Variants in BEND5 observed in about 807,000 individuals in gnomAD.
The protein encoded by BEND5 is BEN domain-containing protein 5.
In BEND5, 22 loss-of-function variants were observed where a neutral mutation model predicts 43.9. That is an observed-to-expected ratio of 0.50 (90% CI 0.36 to 0.72). The LOEUF is 0.72. BEND5 is among the 30% of genes least tolerant of loss of function. The pLI, the probability that BEND5 is intolerant of heterozygous loss-of-function variation, is 0.00. For synonymous variants in BEND5, 228 were observed against 225.9 expected (o/e 1.01, Z -0.08); for missense variants, 428 against 550.6 (o/e 0.78, Z 2.23).
At chr1:48,729,104 A>G (rs1647680380) in intron 5 of BEND5, among the ~76,000 whole-genome samples, 1 of 151,830 alleles carries the variant, frequency 6.6e-6, no homozygotes, top group South Asian at 2.1e-4. Flanking sequence ...CAAACTACAG[A>G]GCATTTTTTT....
At chr1:48,755,516 A>C (rs982481714) in intron 3 of BEND5, among the ~76,000 whole-genome samples, 5 of 152,214 alleles carry the variant, frequency 3.3e-5, no homozygotes, top group African/African-American at 1.2e-4. Flanking sequence ...AATGAGGCCC[A>C]GGGGGCAGAG....
chr1:48,758,811 T>A, intron 3 of BEND5, 89 bp downstream of exon 3: 2 of 1,229,262 alleles, frequency 1.6e-6, no homozygotes, highest in Non-Finnish European at 2.2e-6. Flanking sequence ...GGGCACTTGG[T>A]CTCCCTCTCC....
rs1323297015 is a variant in BEND5 at position 48,736,508 on chromosome 1, GCTTCT to G, written c.895-61_895-57del. ...TAGTCCGACAGGAGGGCAGTGGGAG[GCTTCT>G]CTTGTCCTTTAAAAAGCATTGCTGC... is the stretch of plus-strand genomic sequence containing the variant. On this transcript the variant is annotated intron_variant, in intron 4 of 5. Coordinates refer to ENST00000371833, the MANE Select transcript of BEND5 (RefSeq NM_024603.4). This position sits in a 1 kb window ranked among gnomAD's most constrained non-coding sequence, Gnocchi z 4.0. 5.5e-6 allele frequency: 8 copies of G among 1,464,186 alleles called. No homozygotes were observed. Among genetic ancestry groups the G allele is most frequent in the Middle Eastern group, 2.2e-4 (1 of 4,622 alleles). 90.7% of individuals were successfully genotyped at this position (1,464,186 alleles called of 1,614,324 possible).
In BEND5 at chr1:48,758,335, T is replaced by C. The variant is rs529007002; in HGVS notation, c.745+565A>G. 5.9e-5 allele frequency among the ~76,000 whole-genome samples: 9 copies of C among 152,282 alleles called. No individual in the cohort carries two copies. The South Asian group carries it at 1.9e-3, about 32-fold the overall frequency. Reference sequence around the variant, plus strand: ...ATTCCTCTTAGTGTGCTCCAGGTATTTGCCCATGCTCACCAGTGCTGCTCA... The same window carrying C: ...ATTCCTCTTAGTGTGCTCCAGGTATCTGCCCATGCTCACCAGTGCTGCTCA... On this transcript the variant is annotated intron_variant, in intron 3 of 5. Coordinates refer to ENST00000371833, the MANE Select transcript of BEND5 (RefSeq NM_024603.4).
At chr1:48,762,503 T>C (rs1250679927) in intron 1 of BEND5, among the ~76,000 whole-genome samples, 1 of 152,194 alleles carries the variant, frequency 6.6e-6, no homozygotes, top group Non-Finnish European at 1.5e-5. Context: ...CTGTTTCTCA[T>C]AGTCCTCAAA....
intron 1 of BEND5, among the ~76,000 whole-genome samples, chr1:48,773,789 G>A (rs1417010819): frequency 3.9e-5 from 6 of 152,098 alleles, no homozygotes; most frequent in South Asian, 4.1e-4. Context: ...TCTGAGCTTC[G>A]GTGTCCTCAT....
chr1:48,742,893 T>C (rs1650137802), intron 3 of BEND5, 122 bp from the exon 4 acceptor site: 2 of 938,238 alleles, frequency 2.1e-6, no homozygotes, highest in Non-Finnish European at 3.0e-6. Context: ...TTTTGTCCAT[T>C]GAACTACACT....
At chr1:48,745,045 C>T (rs764848495) in intron 3 of BEND5, among the ~76,000 whole-genome samples, 1 of 152,206 alleles carries the variant, frequency 6.6e-6, no homozygotes, top group Non-Finnish European at 1.5e-5. Flanking sequence ...TGTTTGCAAT[C>T]ATCTGCCTGT....
At chr1:48,767,758 G>A (rs1644600372) in intron 1 of BEND5, among the ~76,000 whole-genome samples, 2 of 152,182 alleles carry the variant, frequency 1.3e-5, no homozygotes, top group Admixed American at 6.5e-5. Flanking sequence ...AAAAATAAAT[G>A]TGCAGCCTCT....
intron 5 of BEND5, among the ~76,000 whole-genome samples, chr1:48,730,940 T>C (rs1648026153): frequency 6.6e-6 from 1 of 152,242 alleles, no homozygotes; most frequent in African/African-American, 2.4e-5. Flanking sequence ...AGCAAGACTC[T>C]GCTTCAGCTC....
intron 3 of BEND5, among the ~76,000 whole-genome samples, chr1:48,744,179 A>G (rs543673663): frequency 1.3e-5 from 2 of 152,330 alleles, no homozygotes; most frequent in South Asian, 4.1e-4. Context: ...TTAGAGGTGC[A>G]AGACCTATTC....
At chr1:48,770,392 T>TG (rs2148690115) in intron 1 of BEND5, among the ~76,000 whole-genome samples, 1 of 152,360 alleles carries the variant, frequency 6.6e-6, no homozygotes, top group East Asian at 1.9e-4. Context: ...CACCTATCTC[T>TG]GCTGGTTATC....
intron 3 of BEND5, among the ~76,000 whole-genome samples, chr1:48,753,144 G>T (rs1045156984): frequency 6.6e-6 from 1 of 152,196 alleles, no homozygotes; most frequent in Non-Finnish European, 1.5e-5. Context: ...TAACTTGCCC[G>T]AGGCAACAAA....
Position 48,735,892 on chromosome 1 carries a change from G to A in BEND5, c.1108+347C>T, listed in dbSNP as rs151095062. Among the ~76,000 whole-genome samples the A allele has an allele frequency of 1.4e-4, 21 of 152,170 alleles. No homozygotes were observed. In the East Asian group the frequency reaches 2.9e-3, roughly 21 times the overall value. On this transcript the variant is annotated intron_variant, in intron 5 of 5. Coordinates refer to ENST00000371833, the MANE Select transcript of BEND5 (RefSeq NM_024603.4). ...ACACATCTGTGTCTCCTAGTCTGCC[G>A]TATTCTTCAAGGCCCAGTTCAGTGA...
At chr1:48,731,703 G>C (rs941953844) in intron 5 of BEND5, among the ~76,000 whole-genome samples, 8 of 152,180 alleles carry the variant, frequency 5.3e-5, no homozygotes, top group Non-Finnish European at 1.2e-4. Flanking sequence ...AGGGAACAAG[G>C]CTTGTTCACG....
intron 4 of BEND5, among the ~76,000 whole-genome samples, chr1:48,741,539 C>T (rs1025203690): frequency 1.3e-5 from 2 of 152,214 alleles, no homozygotes; most frequent in Non-Finnish European, 2.9e-5. Flanking sequence ...GGGGAGGAGG[C>T]GCTCAGTGGG....
At chr1:48,731,502 G>A (rs1441755840) in intron 5 of BEND5, among the ~76,000 whole-genome samples, 1 of 152,140 alleles carries the variant, frequency 6.6e-6, no homozygotes, top group East Asian at 1.9e-4. Flanking sequence ...GGCACTGGGT[G>A]CTCTAAGATG....
At chr1:48,776,482 G>A in intron 1 of BEND5, 124 bp downstream of exon 1, 1 of 719,730 alleles carries the variant, frequency 1.4e-6, no homozygotes, top group South Asian at 2.5e-5. Flanking sequence ...CCAGAGGACG[G>A]GAGAAGGAGG....
intron 3 of BEND5, among the ~76,000 whole-genome samples, chr1:48,752,285 G>A (rs539038423): frequency 3.9e-5 from 6 of 152,100 alleles, no homozygotes; most frequent in Admixed American, 2.0e-4. Context: ...AGATAAACAG[G>A]CCCCAAGAAG....
Sources: gnomAD v4.1 joint callset for allele counts (sites outside exome capture counted in the v4.1 genomes callset) on GRCh38, gnomAD v4.1.1 for gene constraint, Gnocchi (gnomAD v3.1) non-coding constraint, MANE v1.5 for transcripts, NCBI Gene and HGNC (gene_info 2026-07-23, HGNC 2026-07-21) for gene names.